The following CACNA2D2 variants were observed in gnomAD, a reference collection of about 807,000 sequenced individuals.
CACNA2D2 encodes the protein calcium voltage-gated channel auxiliary subunit alpha2delta 2.
A neutral mutation model predicts 166.4 loss-of-function variants in CACNA2D2; 48 were observed. The ratio of observed to expected loss-of-function variants is 0.29; its 90% CI spans 0.23 to 0.37. CACNA2D2 has a LOEUF of 0.37. Ranked by LOEUF, CACNA2D2 falls within the 10% of genes least tolerant of loss-of-function variation. The probability of loss-of-function intolerance (pLI) is 1.00; values close to 1 mark genes in which losing one functional copy is unlikely to be tolerated. For missense variants in CACNA2D2, 1,122 were observed against 1,433.0 expected (o/e 0.78, Z 3.50); for synonymous variants, 561 against 573.7 (o/e 0.98, Z 0.32).
intron 3 of CACNA2D2, among the ~76,000 whole-genome samples, chr3:50,407,175 C>T (rs1169049415): frequency 6.6e-6 from 1 of 151,776 alleles, no homozygotes; most frequent in Non-Finnish European, 1.5e-5. Flanking sequence ...AGGTCAGGGG[C>T]CCACTGGCCC....
At chr3:50,382,821 T>A (rs1198250432) in intron 6 of CACNA2D2, among the ~76,000 whole-genome samples, 1 of 152,086 alleles carries the variant, frequency 6.6e-6, no homozygotes, top group African/African-American at 2.4e-5. Flanking sequence ...CTGGTCCAGG[T>A]CAAGGGCCAA....
At position 50,434,401 on chromosome 3, in the gene CACNA2D2, T is replaced by C; in HGVS notation, c.317A>G (p.Glu106Gly). 1 of 1,614,054 alleles carries C rather than the reference T, an allele frequency of 6.2e-7. No individual in the cohort carries two copies. The highest frequency in any genetic ancestry group is 1.1e-5 in the South Asian group (1 of 91,074). Residue 106 changes from glutamate to glycine, a missense_variant, in exon 3 of 38, where the codon GAG (glutamate) becomes GGG (glycine). Coordinates refer to ENST00000424201, the MANE Select transcript of CACNA2D2 (RefSeq NM_006030.4). ...CTTCTGAGGCTCATTCTCCTGTACC[T>C]CGAACAGGTTCCGGTTGTCCTTGTA... ...EIYKDNRNLF[E>G]VQENEPQKLV...
intron 2 of CACNA2D2, among the ~76,000 whole-genome samples, chr3:50,446,343 C>T (rs1708847071): frequency 2.0e-5 from 3 of 152,220 alleles, no homozygotes; most frequent in Non-Finnish European, 2.9e-5. Context: ...TTACAGATGT[C>T]CTTATTTTAC....
intron 2 of CACNA2D2, among the ~76,000 whole-genome samples, chr3:50,451,744 T>C (rs1488645966): frequency 6.6e-6 from 1 of 152,160 alleles, no homozygotes; most frequent in Non-Finnish European, 1.5e-5. Flanking sequence ...AGTTCCCACC[T>C]GGATGGTGAC....
chr3:50,400,978 G>A (rs556550888), intron 3 of CACNA2D2, among the ~76,000 whole-genome samples: 2 of 152,302 alleles, frequency 1.3e-5, no homozygotes, highest in South Asian at 2.1e-4. Flanking sequence ...CCTGGCCCAT[G>A]GCACATCGTA....
Position 50,381,102 on chromosome 3 carries a change from T to C in CACNA2D2, c.677A>G (p.Asn226Ser), listed in dbSNP as rs1278728582. 1.2e-6 allele frequency: 2 copies of C among 1,613,860 alleles called. No homozygotes were observed. The highest frequency in any genetic ancestry group is 1.1e-5 in the South Asian group (1 of 91,066). Residue 226 changes from asparagine to serine, a missense_variant, in exon 7 of 38, where the codon AAC (asparagine) becomes AGC (serine). Around this residue, in one of 2 missense-constraint regions of CACNA2D2, gnomAD observed 840 missense variants for 1,166.8 expected, o/e 0.72. Coordinates refer to ENST00000424201, the MANE Select transcript of CACNA2D2 (RefSeq NM_006030.4). ...CACATTCTCCAGGGCCTCTGTCCAG[T>C]TGAGCTCATTGAGGATGACAGTGGC... ...KGSTVILNEL[N>S]WTEALENVFM...
At chr3:50,419,189 G>A (rs1291273822) in intron 3 of CACNA2D2, among the ~76,000 whole-genome samples, 1 of 152,194 alleles carries the variant, frequency 6.6e-6, no homozygotes, top group Non-Finnish European at 1.5e-5. Context: ...ATACAAGGAA[G>A]AACTTCCATT....
intron 2 of CACNA2D2, among the ~76,000 whole-genome samples, chr3:50,465,636 G>C (rs1709797146): frequency 6.6e-6 from 1 of 152,228 alleles, no homozygotes; most frequent in Admixed American, 6.5e-5. Context: ...GGCGCACAGG[G>C]CTATGGGAGC....
intron 1 of CACNA2D2, among the ~76,000 whole-genome samples, chr3:50,490,653 G>C (rs1698483795): frequency 6.6e-6 from 1 of 152,228 alleles, no homozygotes. Context: ...ATTTTCCACA[G>C]TCATGACGAG....
chr3:50,395,012 T>C (rs532810775), intron 3 of CACNA2D2, among the ~76,000 whole-genome samples: 1 of 152,188 alleles, frequency 6.6e-6, no homozygotes, highest in South Asian at 2.1e-4. Context: ...TAAGTCCGGG[T>C]CACCCAGATG....
intron 1 of CACNA2D2, among the ~76,000 whole-genome samples, chr3:50,485,661 A>G (rs982142290): frequency 6.6e-6 from 1 of 152,226 alleles, no homozygotes; most frequent in Non-Finnish European, 1.5e-5. Context: ...ACAGGCAGGC[A>G]CACATGGTAA....
rs144543713 is a variant in CACNA2D2, at chr3:50,382,916, G to A, written c.652+1280C>T. Among the ~76,000 whole-genome samples, 366 of 152,288 alleles carry A rather than the reference G, an allele frequency of 2.4e-3. 1 individual carries two copies. The highest frequency in any genetic ancestry group is 9.1e-3 in the Admixed American group (139 of 15,292). On this transcript the variant is annotated intron_variant, in intron 6 of 37. Coordinates refer to ENST00000424201, the MANE Select transcript of CACNA2D2 (RefSeq NM_006030.4). ...TACCCATACACGGCAAGGCACACTC[G>A]CGCAAACACCCCTGCGCCCGCCTGG... is the stretch of plus-strand genomic sequence containing the variant.
chr3:50,445,619 T>C (rs1708808430), intron 2 of CACNA2D2, among the ~76,000 whole-genome samples: 1 of 152,166 alleles, frequency 6.6e-6, no homozygotes, highest in South Asian at 2.1e-4. Flanking sequence ...ACCAAGACAC[T>C]AAGGCTGTGT....
At chr3:50,384,763 G>A (rs180689244) in intron 5 of CACNA2D2, among the ~76,000 whole-genome samples, 2 of 152,304 alleles carry the variant, frequency 1.3e-5, no homozygotes, top group African/African-American at 2.4e-5. Context: ...TAGGAGCTCA[G>A]GGCCCCCACA....
At chr3:50,394,726 C>T (rs954542254) in intron 3 of CACNA2D2, among the ~76,000 whole-genome samples, 3 of 152,224 alleles carry the variant, frequency 2.0e-5, no homozygotes, top group African/African-American at 7.2e-5. Flanking sequence ...TGGCCTCTTC[C>T]AACAAAGCCC....
At chr3:50,468,380 A>AGT (rs3220659) in intron 2 of CACNA2D2, among the ~76,000 whole-genome samples, 7,678 of 82,862 alleles carry the variant, frequency 0.093, 529 homozygotes, top group Non-Finnish European at 0.098. Flanking sequence ...TCATCAGAAT[A>AGT]GTGTGTGTGT....
rs775565884 is a variant in CACNA2D2 at position 50,374,832 on chromosome 3, G to A, written c.1908-19C>T. On this transcript the variant is annotated intron_variant, in intron 21 of 37. Coordinates refer to ENST00000424201, the MANE Select transcript of CACNA2D2 (RefSeq NM_006030.4). ...CCCCAGGCTGAGGGGGGAGAAGCTC[G>A]GGTCACGGCTGGGGGGAGGCGGGCC... 90 of 1,572,752 alleles carry A rather than the reference G, an allele frequency of 5.7e-5. No individual in the cohort carries two copies. Among genetic ancestry groups the A allele is most frequent in the Non-Finnish European group, 7.4e-5 (86 of 1,159,282 alleles).
At chr3:50,500,145 C>T (rs1698896676) in intron 1 of CACNA2D2, among the ~76,000 whole-genome samples, 1 of 152,210 alleles carries the variant, frequency 6.6e-6, no homozygotes, top group Admixed American at 6.5e-5. Context: ...GACGCATGCC[C>T]TGTTGTAGGC....
At position 50,427,853 on chromosome 3, in the gene CACNA2D2, A is replaced by G. The variant is rs1282821343; in HGVS notation, c.405+6460T>C. Among the ~76,000 whole-genome samples, 1 of 152,212 alleles carries G rather than the reference A, an allele frequency of 6.6e-6. No individual in the cohort carries two copies. Among genetic ancestry groups the G allele is most frequent in the Admixed American group, 6.5e-5 (1 of 15,290 alleles). ...GGCGACATCCATGGCCTGGTCCTCC[A>G]GGGGCCAACCTGTTTGTCTCACCCT... On this transcript the variant is annotated intron_variant, in intron 3 of 37. Transcript: ENST00000424201. The surrounding 1 kb of genome is among the most constrained non-coding windows in gnomAD (Gnocchi z 4.7).
Sources: gnomAD v4.1 joint callset for allele counts (sites outside exome capture counted in the v4.1 genomes callset) on GRCh38, gnomAD v4.1.1 for gene constraint, gnomAD v4.1.1 regional missense constraint, Gnocchi (gnomAD v3.1) non-coding constraint, MANE v1.5 for transcripts, NCBI Gene and HGNC (gene_info 2026-07-23, HGNC 2026-07-21) for gene names.